The following ATP8B1 variants were observed in gnomAD, a reference collection of about 807,000 sequenced individuals.
ATP8B1 encodes phospholipid-transporting ATPase IC.
ATP8B1 carries 80 observed loss-of-function variants against 149.9 expected under a neutral mutation model. That is an observed-to-expected ratio of 0.53 (90% CI 0.45 to 0.64). The LOEUF (loss-of-function observed/expected upper bound fraction) is 0.64, where lower values mean the gene tolerates loss of function less well. ATP8B1 is among the 30% of genes least tolerant of loss of function. ATP8B1 has a pLI of 0.00. For synonymous variants in ATP8B1, 536 were observed against 562.8 expected (o/e 0.95, Z 0.67); for missense variants, 1,247 against 1,552.6 (o/e 0.80, Z 3.31).
intron 13 of ATP8B1, among the ~76,000 whole-genome samples, chr18:57,687,146 A>G (rs567540899): frequency 6.6e-6 from 1 of 152,330 alleles, no homozygotes; most frequent in African/African-American, 2.4e-5. Context: ...ACCACTTTTA[A>G]GCATACAGTT....
intron 22 of ATP8B1, among the ~76,000 whole-genome samples, chr18:57,657,600 G>A (rs992773494): frequency 1.3e-5 from 2 of 152,174 alleles, no homozygotes; most frequent in Admixed American, 6.5e-5. Flanking sequence ...TAAAAAAACA[G>A]AACAAACTGC....
chr18:57,656,134 G>A (rs928058387), intron 22 of ATP8B1, among the ~76,000 whole-genome samples: 1 of 152,018 alleles, frequency 6.6e-6, no homozygotes, highest in African/African-American at 2.4e-5. Context: ...AGCTCTTCTG[G>A]TAAGTGACCC....
chr18:57,652,159 G>T lies in ATP8B1; in HGVS notation c.3275C>A (p.Thr1092Asn). 1 of 1,614,098 alleles carries T rather than the reference G, an allele frequency of 6.2e-7. No homozygotes were observed. The highest frequency in any genetic ancestry group is 8.5e-7 in the Non-Finnish European group (1 of 1,179,994). ...ITVNFQIGLD[T>N]SYWTFVNAFS... ...AGCATTCACAAAAGTCCAATAAGAA[G>T]TATCCAAGCCAATCTGTTGGGAAAC... Residue 1092 changes from threonine to asparagine, a missense_variant, in exon 26 of 28, where the codon ACT (threonine) becomes AAT (asparagine). Physicochemically the swap from Thr to Asn is moderately conservative, Grantham distance 65. This residue lies in a region of ATP8B1 where 230 missense variants were observed against 356.6 expected (regional missense o/e 0.65). Coordinates refer to ENST00000648908, the MANE Select transcript of ATP8B1 (RefSeq NM_001374385.1).
Position 57,686,126 on chromosome 18 carries a change from G to A in ATP8B1, c.1430-1011C>T, listed in dbSNP as rs555044261. 4.0e-5 allele frequency among the ~76,000 whole-genome samples: 6 copies of A among 151,074 alleles called. No homozygotes were observed. The South Asian group carries it at 8.3e-4, about 21-fold the overall frequency. On this transcript the variant is annotated intron_variant, in intron 13 of 27. Coordinates refer to ENST00000648908, the MANE Select transcript of ATP8B1 (RefSeq NM_001374385.1). ...CAACAACAAAAATTAGCCAGGCATG[G>A]TGGTGTGTGCCTGTAATCCCAGCTA...
chr18:57,788,325 G>A (rs1016059961), intron 1 of ATP8B1, among the ~76,000 whole-genome samples: 8 of 152,090 alleles, frequency 5.3e-5, no homozygotes, highest in Admixed American at 1.3e-4. Flanking sequence ...AGGCCAAGGC[G>A]GGAGGATCAC....
chr18:57,666,987 A>G, intron 20 of ATP8B1, 105 bp downstream of exon 20: 1 of 1,015,948 alleles, frequency 9.8e-7, no homozygotes, highest in Non-Finnish European at 1.5e-6. Context: ...GCCCCAAGTG[A>G]CACATCGTAA....
chr18:57,696,325 A>G (rs1599126233), intron 8 of ATP8B1, among the ~76,000 whole-genome samples: 1 of 152,178 alleles, frequency 6.6e-6, no homozygotes, highest in Non-Finnish European at 1.5e-5. Flanking sequence ...AGGCAGAGGC[A>G]GGCAGATCAC....
At chr18:57,799,931 T>A (rs1225923979) in intron 1 of ATP8B1, among the ~76,000 whole-genome samples, 2 of 152,026 alleles carry the variant, frequency 1.3e-5, no homozygotes, top group Non-Finnish European at 2.9e-5. Context: ...GTTAACAAAA[T>A]GAAAAATATA....
At position 57,701,248 on chromosome 18, in the gene ATP8B1, G is replaced by T; in HGVS notation, c.459C>A (p.Gly153=). ...CCACCAGGTCTTTGATTGCAGTGAC[G>T]CCCAGCACCACAAGCAGGGGCACTA... ...TTLVPLLVVL[G]VTAIKDLVDD... Residue 153 remains glycine (G), a synonymous_variant, in exon 5 of 28, where the codon GGC becomes GGA. Transcript: ENST00000648908. 1.9e-6 allele frequency: 3 copies of T among 1,614,172 alleles called. No homozygotes were observed.
chr18:57,684,852 C>G (rs1568195189), intron 14 of ATP8B1, among the ~76,000 whole-genome samples: 1 of 152,108 alleles, frequency 6.6e-6, no homozygotes, highest in Admixed American at 6.5e-5. Flanking sequence ...TGGACAGAGA[C>G]ACACAGACAC....
intron 1 of ATP8B1, among the ~76,000 whole-genome samples, chr18:57,794,713 A>C (rs1004361782): frequency 6.6e-6 from 1 of 151,970 alleles, no homozygotes; most frequent in African/African-American, 2.4e-5. Flanking sequence ...TGAACCTGGG[A>C]GGCGGAGGTT....
intron 1 of ATP8B1, among the ~76,000 whole-genome samples, chr18:57,732,439 TTAAAA>T (rs1263416203): frequency 1.9e-4 from 29 of 151,246 alleles, no homozygotes; most frequent in African/African-American, 5.3e-4. Context: ...ACAATCAACA[TTAAAA>T]TAAAATGAAA....
chr18:57,729,142 A>G (rs1293666347), intron 2 of ATP8B1, among the ~76,000 whole-genome samples: 1 of 152,150 alleles, frequency 6.6e-6, no homozygotes, highest in African/African-American at 2.4e-5. Context: ...TTGTAAAAAA[A>G]CAGGGGATGA....
Position 57,695,188 on chromosome 18 carries a change from C to A in ATP8B1, c.923G>T (p.Gly308Val), listed in dbSNP as rs111033609. 6.2e-6 allele frequency: 10 copies of A among 1,613,940 alleles called. No homozygotes were observed. The highest frequency in any genetic ancestry group is 4.2e-6 in the Non-Finnish European group (5 of 1,180,020). Residue 308 changes from glycine to valine, a missense_variant, in exon 10 of 28, where the codon GGC (glycine) becomes GTC (valine). This residue lies in a region of ATP8B1 where 853 missense variants were observed against 1,035.7 expected (regional missense o/e 0.82). Coordinates refer to ENST00000648908, the MANE Select transcript of ATP8B1 (RefSeq NM_001374385.1). ...CVIRNTDFCH[G>V]LVIFAGADTK... ...GAACGTACCTGCAAAAATGACTAAGCCGTGGCAGAAATCGGTGTTCCTAAT... is the reference window on the plus strand; with the variant it reads ...GAACGTACCTGCAAAAATGACTAAGACGTGGCAGAAATCGGTGTTCCTAAT...
intron 24 of ATP8B1, 39 bp downstream of exon 24, chr18:57,653,953 A>G (rs949214246): frequency 5.2e-6 from 8 of 1,550,340 alleles, no homozygotes; most frequent in African/African-American, 4.1e-5. Flanking sequence ...ACGCATTCTC[A>G]TCTGTCCAGA....
chr18:57,764,777 A>C (rs867645344), intron 1 of ATP8B1, among the ~76,000 whole-genome samples: 20 of 150,800 alleles, frequency 1.3e-4, no homozygotes, highest in African/African-American at 2.5e-4. Context: ...AAAAAAAAAA[A>C]AAACAGAAAA....
chr18:57,778,114 T>C (rs1436352329), intron 1 of ATP8B1, among the ~76,000 whole-genome samples: 2 of 152,190 alleles, frequency 1.3e-5, no homozygotes, highest in African/African-American at 2.4e-5. Flanking sequence ...GCAACTTTAA[T>C]TGTACCTTAA....
At chr18:57,753,031 C>T (rs1008810340) in intron 1 of ATP8B1, among the ~76,000 whole-genome samples, 4 of 152,092 alleles carry the variant, frequency 2.6e-5, no homozygotes, top group Non-Finnish European at 4.4e-5. Context: ...TAAGGTTCCA[C>T]AGAACTGTAA....
intron 3 of ATP8B1, among the ~76,000 whole-genome samples, chr18:57,705,684 T>C (rs932873301): frequency 6.6e-6 from 1 of 152,206 alleles, no homozygotes; most frequent in Non-Finnish European, 1.5e-5. Context: ...CAGATTCTCC[T>C]GCAGAGGCTC....
Sources: allele counts gnomAD v4.1 joint callset (sites outside exome capture counted in the v4.1 genomes callset), GRCh38; gene constraint gnomAD v4.1.1; regional missense constraint gnomAD v4.1.1; transcripts MANE v1.5; gene names NCBI Gene and HGNC (gene_info 2026-07-23, HGNC 2026-07-21).